PXDN: variants seen among roughly 807,000 people sequenced by gnomAD.
The protein encoded by PXDN is peroxidasin homolog.
PXDN carries 77 observed loss-of-function variants against 140.3 expected under a neutral mutation model. That is an observed-to-expected ratio of 0.55 (90% CI 0.46 to 0.66). The LOEUF (loss-of-function observed/expected upper bound fraction) is 0.66. Among genes scored for constraint, PXDN ranks in the 30% least tolerant of loss-of-function variants. The probability of loss-of-function intolerance (pLI) is 0.00; values close to 1 mark genes in which losing one functional copy is unlikely to be tolerated. For synonymous variants in PXDN, 911 were observed against 857.4 expected (o/e 1.06, Z -1.09); for missense variants, 1,838 against 2,039.5 (o/e 0.90, Z 1.90).
intron 1 of PXDN, among the ~76,000 whole-genome samples, chr2:1,740,503 G>T (rs1407362300): frequency 6.6e-6 from 1 of 152,146 alleles, no homozygotes; most frequent in Non-Finnish European, 1.5e-5. Flanking sequence ...GGGGCCTGCA[G>T]GCGGGAGGAG....
intron 1 of PXDN, among the ~76,000 whole-genome samples, chr2:1,730,499 G>A (rs1359844996): frequency 6.6e-6 from 1 of 152,140 alleles, no homozygotes; most frequent in Non-Finnish European, 1.5e-5. Context: ...TTAGAATTGC[G>A]CTAAGTAAAC....
chr2:1,734,344 C>T (rs571790047), intron 1 of PXDN, among the ~76,000 whole-genome samples: 2 of 152,110 alleles, frequency 1.3e-5, no homozygotes, highest in Non-Finnish European at 2.9e-5. Context: ...AACACCTGAG[C>T]CTTCAGAGAG....
intron 21 of PXDN, chr2:1,636,483 G>A (rs2125401031): frequency 6.6e-6 from 1 of 152,236 alleles, no homozygotes. Context: ...CACACATCAT[G>A]CTGAAAAAGG....
intron 1 of PXDN, among the ~76,000 whole-genome samples, chr2:1,740,115 C>T (rs114946875): frequency 0.013 from 1,920 of 152,292 alleles, 30 homozygotes; most frequent in African/African-American, 0.043. Flanking sequence ...TCCCAGAAGA[C>T]GCAGTCAGAT....
At chr2:1,728,589 T>C (rs1221345133) in intron 1 of PXDN, among the ~76,000 whole-genome samples, 1 of 152,192 alleles carries the variant, frequency 6.6e-6, no homozygotes, top group Admixed American at 6.5e-5. Context: ...AACAGGGTCT[T>C]TTTCAAGGTC....
chr2:1,698,282 G>A (rs1253934116), intron 1 of PXDN, among the ~76,000 whole-genome samples: 1 of 152,206 alleles, frequency 6.6e-6, no homozygotes, highest in East Asian at 1.9e-4. Context: ...CATTCACTGA[G>A]CACACAAAGC....
intron 4 of PXDN, among the ~76,000 whole-genome samples, chr2:1,686,485 G>T (rs960500449): frequency 6.6e-6 from 1 of 152,162 alleles, no homozygotes; most frequent in African/African-American, 2.4e-5. Context: ...AAAGCCAGAT[G>T]AGGATTTTCC....
At chr2:1,741,928 C>T (rs73910873) in intron 1 of PXDN, among the ~76,000 whole-genome samples, 1 of 152,114 alleles carries the variant, frequency 6.6e-6, no homozygotes, top group African/African-American at 2.4e-5. Flanking sequence ...CCCAGAGACC[C>T]CTCAACAGGA....
intron 1 of PXDN, among the ~76,000 whole-genome samples, chr2:1,736,625 G>A (rs1685428883): frequency 6.6e-6 from 1 of 151,956 alleles, no homozygotes; most frequent in South Asian, 2.1e-4. Flanking sequence ...TTGAAGACCA[G>A]CCTGGGCAAA....
intron 1 of PXDN, among the ~76,000 whole-genome samples, chr2:1,724,607 A>G (rs1360530863): frequency 6.6e-6 from 1 of 152,190 alleles, no homozygotes; most frequent in Non-Finnish European, 1.5e-5. Context: ...GCTCTCCTAC[A>G]AAGAGACGAC....
In PXDN at chr2:1,639,280, T is replaced by G; in HGVS notation, c.4073+22A>C. The G allele has an allele frequency of 6.2e-7, 1 of 1,604,934 alleles. No individual in the cohort carries two copies. The highest frequency in any genetic ancestry group is 8.5e-7 in the Non-Finnish European group (1 of 1,175,394). ...GTGCGAGGGCCCCTCTGCACATCATTTGACCTCAGAGACCACCATACCTGG... is the reference window on the plus strand; with the variant it reads ...GTGCGAGGGCCCCTCTGCACATCATGTGACCTCAGAGACCACCATACCTGG... On this transcript the variant is annotated intron_variant, in intron 20 of 22. Transcript: ENST00000252804. The surrounding 1 kb of genome is among the most constrained non-coding windows in gnomAD (Gnocchi z 5.0).
At position 1,685,137 on chromosome 2, in the gene PXDN, C is replaced by T. The variant is rs1684019637; in HGVS notation, c.417-986G>A. 1.3e-5 allele frequency among the ~76,000 whole-genome samples: 2 copies of T among 152,240 alleles called. No individual in the cohort carries two copies. The highest frequency in any genetic ancestry group is 6.5e-5 in the Admixed American group (1 of 15,286). On this transcript the variant is annotated intron_variant, in intron 4 of 22. Transcript: ENST00000252804. This position sits in a 1 kb window ranked among gnomAD's most constrained non-coding sequence, Gnocchi z 5.1. ...AGAGTGCGGCTGCCAGGGCCCGCCC[C>T]GTCCCGGGGCCAGCTCCCCAGGCAG...
chr2:1,662,582 G>A (rs114311700), intron 12 of PXDN, among the ~76,000 whole-genome samples: 1,940 of 152,282 alleles, frequency 0.013, 22 homozygotes, highest in Non-Finnish European at 0.021. Flanking sequence ...GGGAGAGCCC[G>A]ACTCTCGGAG....
At position 1,665,046 on chromosome 2, in the gene PXDN, C is replaced by G; in HGVS notation, c.1320G>C (p.Gln440His). ...QALPQFTVTP[Q>H]DRVVIEGQTV... The stretch of plus-strand genomic sequence containing the variant: ...TCTGGCCCTCAATAACGACTCTGTC[C>G]TGAGGCGTCACAGTGAACTGAGGAA... Residue 440 changes from glutamine to histidine, a missense_variant, in exon 11 of 23, where the codon CAG (glutamine) becomes CAC (histidine). Physicochemically the swap from Gln to His is conservative, Grantham distance 24. Transcript: ENST00000252804. The G allele has an allele frequency of 6.2e-7, 1 of 1,610,822 alleles. No homozygotes were observed. Among genetic ancestry groups the G allele is most frequent in the Non-Finnish European group, 8.5e-7 (1 of 1,178,374 alleles).
At chr2:1,693,702 T>C (rs1256638334) in intron 1 of PXDN, among the ~76,000 whole-genome samples, 1 of 152,244 alleles carries the variant, frequency 6.6e-6, no homozygotes, top group Non-Finnish European at 1.5e-5. Flanking sequence ...ACAGGCATTT[T>C]CAGTAAAGTT....
intron 9 of PXDN, chr2:1,669,682 A>C (rs1683530784): frequency 6.6e-6 from 1 of 152,150 alleles, no homozygotes; most frequent in South Asian, 2.1e-4. Flanking sequence ...TCTACTAAAA[A>C]TACAAAAATT....
intron 1 of PXDN, 118 bp downstream of exon 1, chr2:1,744,138 C>G (rs973624908): frequency 6.5e-6 from 7 of 1,083,332 alleles, no homozygotes; most frequent in Non-Finnish European, 8.4e-6. Flanking sequence ...TCCCCAGGCC[C>G]CCCGCGCGCC....
At chr2:1,689,629 A>C (rs1052846605) in intron 3 of PXDN, among the ~76,000 whole-genome samples, 1 of 152,086 alleles carries the variant, frequency 6.6e-6, no homozygotes, top group Non-Finnish European at 1.5e-5. Flanking sequence ...TTAAAAATAC[A>C]AAAAATTAGC....
chr2:1,662,744 AAC>A (rs1683335592), intron 12 of PXDN, among the ~76,000 whole-genome samples: 1 of 152,144 alleles, frequency 6.6e-6, no homozygotes, highest in Non-Finnish European at 1.5e-5. Context: ...AAACCCAAGA[AAC>A]ACAGAGCCAA....
Sources: gnomAD v4.1 joint callset for allele counts (sites outside exome capture counted in the v4.1 genomes callset) on GRCh38, gnomAD v4.1.1 for gene constraint, Gnocchi (gnomAD v3.1) non-coding constraint, MANE v1.5 for transcripts, NCBI Gene and HGNC (gene_info 2026-07-23, HGNC 2026-07-21) for gene names.